The following TRHDE variants were observed in gnomAD, a reference collection of about 807,000 sequenced individuals.
TRHDE encodes the protein thyrotropin-releasing hormone-degrading ectoenzyme.
In TRHDE, 72 loss-of-function variants were observed where a neutral mutation model predicts 125.7. The ratio of observed to expected loss-of-function variants is 0.57; its 90% CI spans 0.47 to 0.70. TRHDE has a LOEUF of 0.70. Among genes scored for constraint, TRHDE ranks in the 30% least tolerant of loss-of-function variants. TRHDE has a pLI of 0.00. For synonymous variants in TRHDE, 509 were observed against 509.1 expected, an observed-to-expected ratio of 1.00 and a Z score of 0.00; for missense variants, 1,110 against 1,327.1, an observed-to-expected ratio of 0.84 and a Z score of 2.54.
In TRHDE at chr12:72,568,939, C is replaced by T. The variant is rs544444226; in HGVS notation, c.2131+283C>T. ...TGTTTAAAATTGTATTTCTTTATAA[C>T]TCCACATGTAATTAAAATATAATTA... On this transcript the variant is annotated intron_variant, in intron 10 of 18. Coordinates refer to ENST00000261180, the MANE Select transcript of TRHDE (RefSeq NM_013381.3). 4.6e-5 allele frequency among the ~76,000 whole-genome samples: 7 copies of T among 152,192 alleles called. No individual in the cohort carries two copies. In the East Asian group the frequency reaches 5.8e-4, roughly 13 times the overall value.
rs556040013 is a variant in TRHDE, at chr12:72,332,023, C to T, written c.1188+45069C>T. ...GGCTTTACAAGAAGCATGGTATTGG[C>T]ACCTGCTTCTGATGAGGGCCTCAGG... On this transcript the variant is annotated intron_variant, in intron 2 of 18. Transcript: ENST00000261180. 6.6e-5 allele frequency among the ~76,000 whole-genome samples: 10 copies of T among 152,250 alleles called. No homozygotes were observed. In the South Asian group the frequency reaches 2.1e-3, roughly 32 times the overall value.
chr12:72,354,611 G>A (rs963971308), intron 2 of TRHDE, among the ~76,000 whole-genome samples: 15 of 150,602 alleles, frequency 1.0e-4, no homozygotes, highest in Admixed American at 1.3e-4. Context: ...AGTGCCTGAT[G>A]CCCTTTTCCC....
intron 2 of TRHDE, among the ~76,000 whole-genome samples, chr12:72,288,289 A>C (rs144896211): frequency 4.6e-5 from 7 of 152,284 alleles, no homozygotes; most frequent in African/African-American, 1.7e-4. Flanking sequence ...GTTTTGGCTA[A>C]AGAAATTTTC....
intron 5 of TRHDE, among the ~76,000 whole-genome samples, chr12:72,479,452 A>T (rs1298821912): frequency 1.3e-5 from 2 of 152,060 alleles, no homozygotes; most frequent in Non-Finnish European, 2.9e-5. Context: ...TTAGAAAAGG[A>T]AGATAAAACA....
At chr12:72,495,112 G>A (rs2135930830) in intron 5 of TRHDE, among the ~76,000 whole-genome samples, 1 of 87,722 alleles carries the variant, frequency 1.1e-5, no homozygotes, top group South Asian at 3.9e-4. Flanking sequence ...TAAAAGCTAT[G>A]TAGTTATCTC....
At chr12:72,461,165 C>A (rs1464893960) in intron 3 of TRHDE, among the ~76,000 whole-genome samples, 1 of 152,196 alleles carries the variant, frequency 6.6e-6, no homozygotes, top group Non-Finnish European at 1.5e-5. Context: ...AGTTCTGTTA[C>A]AACCCACAAT....
intron 2 of TRHDE, among the ~76,000 whole-genome samples, chr12:72,373,487 C>A (rs933231392): frequency 1.1e-4 from 16 of 152,046 alleles, no homozygotes; most frequent in Admixed American, 9.2e-4. Flanking sequence ...TTTCATGTGA[C>A]TTGAGCTAAT....
chr12:72,566,084 C>G (rs939058238), intron 9 of TRHDE, among the ~76,000 whole-genome samples: 22 of 152,008 alleles, frequency 1.4e-4, no homozygotes, highest in Non-Finnish European at 2.5e-4. Flanking sequence ...GCATAATTAT[C>G]AGGCTTTCCT....
At chr12:72,552,375 G>T (rs772609159) in intron 7 of TRHDE, among the ~76,000 whole-genome samples, 10 of 152,110 alleles carry the variant, frequency 6.6e-5, no homozygotes, top group Non-Finnish European at 1.2e-4. Flanking sequence ...GGATAAATTC[G>T]GTGAAGAGAG....
chr12:72,250,864 T>TATATATATATATATATATATATA (rs1415968314), intron 2 of TRHDE, among the ~76,000 whole-genome samples: 1 of 54,576 alleles, frequency 1.8e-5, no homozygotes, highest in Non-Finnish European at 5.1e-5. Context: ...ATATATATAT[T>TATATATATATATATATATATATA]TTATTTTTAT....
intron 3 of TRHDE, among the ~76,000 whole-genome samples, chr12:72,399,215 T>A (rs1248403291): frequency 1.3e-5 from 2 of 152,162 alleles, no homozygotes; most frequent in Non-Finnish European, 2.9e-5. Context: ...ACAAAACTGG[T>A]CCCCGAAGCC....
chr12:72,212,461 A>C (rs961818562), intron 2 of TRHDE, among the ~76,000 whole-genome samples: 1 of 152,142 alleles, frequency 6.6e-6, no homozygotes, highest in Non-Finnish European at 1.5e-5. Flanking sequence ...TTATCAAACC[A>C]CATATCTGAT....
rs185953015 is a variant in TRHDE at position 72,348,230 on chromosome 12, C to A, written c.1189-29765C>A. On this transcript the variant is annotated intron_variant, in intron 2 of 18. Coordinates refer to ENST00000261180, the MANE Select transcript of TRHDE (RefSeq NM_013381.3). ...GTGATGAGAACACTTACAATTTACT[C>A]TCTTAGCAATTTTTAAATATGTTTC... Among the ~76,000 whole-genome samples the A allele has an allele frequency of 1.1e-4, 17 of 151,920 alleles. No homozygotes were observed. In the East Asian group the frequency reaches 3.1e-3, roughly 28 times the overall value.
chr12:72,231,690 C>G (rs976011566), intron 2 of TRHDE, among the ~76,000 whole-genome samples: 23 of 152,256 alleles, frequency 1.5e-4, no homozygotes, highest in African/African-American at 5.5e-4. Context: ...ATGCTTAGCT[C>G]AGATTTGGTA....
At chr12:72,220,085 C>T (rs548545622) in intron 2 of TRHDE, among the ~76,000 whole-genome samples, 1 of 152,126 alleles carries the variant, frequency 6.6e-6, no homozygotes, top group East Asian at 1.9e-4. Context: ...TACTTTCAGA[C>T]CAGTTTAGGG....
intron 3 of TRHDE, among the ~76,000 whole-genome samples, chr12:72,413,346 C>T (rs1037925437): frequency 1.6e-4 from 24 of 151,712 alleles, no homozygotes; most frequent in African/African-American, 5.3e-4. Context: ...AGCCACTAGC[C>T]ACATGTGACT....
chr12:72,206,268 T>C (rs905144497), intron 2 of TRHDE, among the ~76,000 whole-genome samples: 2 of 152,148 alleles, frequency 1.3e-5, no homozygotes, highest in African/African-American at 4.8e-5. Context: ...CTTTTTTGTA[T>C]TTTTAGTAGA....
intron 3 of TRHDE, among the ~76,000 whole-genome samples, chr12:72,403,446 T>G (rs1264002572): frequency 1.3e-5 from 2 of 152,238 alleles, no homozygotes; most frequent in East Asian, 3.8e-4. Flanking sequence ...TTTACATATC[T>G]TTTTTTATTT....
At chr12:72,130,720 C>T (rs148314511) in intron 2 of TRHDE, among the ~76,000 whole-genome samples, 104 of 152,028 alleles carry the variant, frequency 6.8e-4, no homozygotes, top group African/African-American at 2.3e-3. Flanking sequence ...TCAAAAAATG[C>T]GATAGAAAAA....
Sources: allele counts gnomAD v4.1 joint callset (sites outside exome capture counted in the v4.1 genomes callset), GRCh38; gene constraint gnomAD v4.1.1; transcripts MANE v1.5; gene names NCBI Gene and HGNC (gene_info 2026-07-23, HGNC 2026-07-21).